Variants in NCOR2 observed in about 807,000 individuals in gnomAD.
NCOR2 encodes the protein nuclear receptor corepressor 2.
Under a neutral mutation model 262.9 loss-of-function variants are expected in NCOR2, and 81 were observed. That is an observed-to-expected ratio of 0.31 (90% CI 0.26 to 0.37). The LOEUF is 0.37. NCOR2 is among the 10% of genes least tolerant of loss of function. The pLI, the probability that NCOR2 is intolerant of heterozygous loss-of-function variation, is 1.00. For synonymous variants in NCOR2, 1,659 were observed against 1,559.3 expected, an observed-to-expected ratio of 1.06 and a Z score of -1.51; for missense variants, 3,385 against 3,621.4, an observed-to-expected ratio of 0.93 and a Z score of 1.68.
intron 37 of NCOR2, 73 bp from the exon 40 acceptor site, chr12:124,337,253 C>A: frequency 6.7e-7 from 1 of 1,491,968 alleles, no homozygotes; most frequent in South Asian, 1.2e-5. Context: ...GATGAGTCCC[C>A]ATTGCCCTGG....
chr12:124,417,413 C>T (rs2042970232), intron 13 of NCOR2, among the ~76,000 whole-genome samples: 1 of 152,200 alleles, frequency 6.6e-6, no homozygotes, highest in Non-Finnish European at 1.5e-5. Context: ...CTCCCCACCT[C>T]CCTCTGTGCA....
chr12:124,534,630 C>T (rs903024996), intron 1 of NCOR2, among the ~76,000 whole-genome samples: 1 of 152,234 alleles, frequency 6.6e-6, no homozygotes, highest in East Asian at 1.9e-4. Flanking sequence ...TGTGCCCCAG[C>T]CTCCATGCGC....
At chr12:124,550,177 C>T (rs532061750) in intron 1 of NCOR2, among the ~76,000 whole-genome samples, 1 of 152,294 alleles carries the variant, frequency 6.6e-6, no homozygotes, top group South Asian at 2.1e-4. Flanking sequence ...CCCCAAAACC[C>T]GAACAGTGCC....
rs75409928 is a variant in NCOR2, at chr12:124,503,940, C to T, written c.-117-8572G>A. ...CCCACATGCCCAGCTCCATGAGGGA[C>T]ACAGAAAGGCACTGTCGCCTTCAGG... On this transcript the variant is annotated intron_variant, in intron 1 of 46. Transcript: ENST00000404621. The surrounding 1 kb of genome is among the most constrained non-coding windows in gnomAD (Gnocchi z 4.3). 3.9e-5 allele frequency among the ~76,000 whole-genome samples: 6 copies of T among 152,254 alleles called. No individual in the cohort carries two copies. The East Asian group carries it at 1.2e-3, about 29-fold the overall frequency.
Position 124,374,479 on chromosome 12 carries a change from A to C in NCOR2, c.2168-16T>G. 6.2e-7 allele frequency: 1 copy of C among 1,610,846 alleles called. No individual in the cohort carries two copies. The highest frequency in any genetic ancestry group is 8.5e-7 in the Non-Finnish European group (1 of 1,178,818). ...GCATGTAAGGCTGGAAGGAAGTCAG[A>C]GAAGAGTTAGAAGTGAGGCAGCACC... is the stretch of plus-strand genomic sequence containing the variant. On this transcript the variant is annotated splice_polypyrimidine_tract_variant and intron_variant, in intron 18 of 46. Coordinates refer to ENST00000405201, the Ensembl canonical transcript of NCOR2.
chr12:124,340,508 G>T, intron 35 of NCOR2, 65 bp from the exon 38 acceptor site: 2 of 1,577,588 alleles, frequency 1.3e-6, no homozygotes, highest in Non-Finnish European at 8.6e-7. Flanking sequence ...TTGTCTTCTG[G>T]GGTGGGAAAG....
rs750101439 is a variant in NCOR2, at chr12:124,350,718, A to G, written c.3713T>C (p.Leu1238Pro). 2.7e-5 allele frequency: 44 copies of G among 1,612,334 alleles called. No homozygotes were observed. Among genetic ancestry groups the G allele is most frequent in the Non-Finnish European group, 3.6e-5 (42 of 1,179,926 alleles). The change falls in exon 28 of 47, where the codon CTG becomes CCG. Residue 1238 changes from leucine (L) to proline (P), a missense_variant. Physicochemically the swap from Leu to Pro is moderately conservative, Grantham distance 98 (BLOSUM62 -3). Coordinates refer to ENST00000405201, the Ensembl canonical transcript of NCOR2. ...GATCCTGGTGATGGTGCCCTTGTAC[A>G]GGACGTCAGCTGGCGTGCCCTGCAG...
Position 124,438,806 on chromosome 12 carries a change from G to GAGAA in NCOR2, c.816-811_816-810insTTCT, listed in dbSNP as rs760951112. ...AGAGAGAGAGAGAGAGAGAGAGAGA[G>GAGAA]AGACGGAGACCCAGAGAGAGGGAGA... On this transcript the variant is annotated intron_variant, in intron 7 of 46. Coordinates refer to ENST00000405201, the Ensembl canonical transcript of NCOR2. Among the ~76,000 whole-genome samples the GAGAA allele has an allele frequency of 6.9e-4, 103 of 148,876 alleles. 2 individuals carry two copies. In the East Asian group the frequency reaches 0.013, roughly 19 times the overall value.
chr12:124,372,416 C>T (rs2039577382), exon 20 of NCOR2: 1 of 1,509,410 alleles, frequency 6.6e-7, no homozygotes, highest in Non-Finnish European at 8.8e-7. Flanking sequence ...GGCGTAGGGG[C>T]TCCGGTGGCT....
chr12:124,427,041 G>C (rs994497893), intron 10 of NCOR2, among the ~76,000 whole-genome samples: 1 of 152,204 alleles, frequency 6.6e-6, no homozygotes, highest in Admixed American at 6.5e-5. Context: ...AATGCAGAGA[G>C]CAGCAGCCGC....
chr12:124,396,752 G>A lies in NCOR2; in HGVS notation c.1876+1367C>T, dbSNP rs537598765. Among the ~76,000 whole-genome samples the A allele has an allele frequency of 3.3e-5, 5 of 152,234 alleles. No homozygotes were observed. The South Asian group carries it at 6.2e-4, about 19-fold the overall frequency. ...CCCGGGGTGAGGGCGGGGGCTGTGG[G>A]GGTCTTCTCAGGGCTGTGGGGACCC... On this transcript the variant is annotated intron_variant, in intron 16 of 46. Transcript: ENST00000405201.
chr12:124,371,296 G>A (rs890274178), intron 20 of NCOR2, among the ~76,000 whole-genome samples: 8 of 150,252 alleles, frequency 5.3e-5, no homozygotes, highest in African/African-American at 1.2e-4. Context: ...TCGGGCCTTC[G>A]CACTTGCTGT....
chr12:124,543,965 G>GC (rs1651453647), intron 1 of NCOR2, among the ~76,000 whole-genome samples: 1 of 152,148 alleles, frequency 6.6e-6, no homozygotes, highest in Non-Finnish European at 1.5e-5. Context: ...CTTAACAACC[G>GC]CCCCACATCC....
In NCOR2 at chr12:124,457,431, C is replaced by T. The variant is rs1226519164; in HGVS notation, c.706-269G>A. On this transcript the variant is annotated intron_variant, in intron 5 of 46. Transcript: ENST00000405201. This position sits in a 1 kb window ranked among gnomAD's most constrained non-coding sequence, Gnocchi z 4.0. ...GCCGGGTCCACTGAAGCCTGCTCCCCGGCAGGCGCGCAGGCCTCGCTCCCC... is the reference window on the plus strand; with the variant it reads ...GCCGGGTCCACTGAAGCCTGCTCCCTGGCAGGCGCGCAGGCCTCGCTCCCC... Among the ~76,000 whole-genome samples the T allele has an allele frequency of 3.3e-5, 5 of 152,112 alleles. No individual in the cohort carries two copies. Among genetic ancestry groups the T allele is most frequent in the Admixed American group, 1.3e-4 (2 of 15,286 alleles).
chr12:124,473,859 G>C (rs2880493), intron 3 of NCOR2, among the ~76,000 whole-genome samples: 11,227 of 152,028 alleles, frequency 0.074, 629 homozygotes, highest in African/African-American at 0.16. Flanking sequence ...TTCCATCCCT[G>C]ACTCCAGGCC....
chr12:124,541,354 A>G (rs1317354343), intron 1 of NCOR2, among the ~76,000 whole-genome samples: 6 of 3,458 alleles, frequency 1.7e-3, no homozygotes, highest in African/African-American at 4.4e-3. Flanking sequence ...AGGGGATGGG[A>G]AGTGGAGAGC....
At chr12:124,386,793 C>T (rs1209846326) in intron 16 of NCOR2, among the ~76,000 whole-genome samples, 4 of 152,254 alleles carry the variant, frequency 2.6e-5, no homozygotes, top group Admixed American at 2.6e-4. Flanking sequence ...CCGGTCTCGG[C>T]CTGTCTGCCC....
rs571567528 is a variant in NCOR2 at position 124,503,639 on chromosome 12, A to AATGGATGG, written c.-117-8279_-117-8272dup. On this transcript the variant is annotated intron_variant, in intron 1 of 46. Coordinates refer to the NCOR2 transcript ENST00000404621. The surrounding 1 kb of genome is among the most constrained non-coding windows in gnomAD (Gnocchi z 4.3). ...GGATGGATGGATGGATGGATGGGCGAATGGATGGATGGATGGATGGATGGA... is the reference window on the plus strand; with the variant it reads ...GGATGGATGGATGGATGGATGGGCGAATGGATGGATGGATGGATGGATGGATGGATGGA... Among the ~76,000 whole-genome samples, 1 of 102,616 alleles carries AATGGATGG rather than the reference A, an allele frequency of 9.7e-6. No homozygotes were observed. The allele number at this position is 102,616 out of a possible 152,430, so 67.3% of individuals were successfully genotyped here.
intron 1 of NCOR2, among the ~76,000 whole-genome samples, chr12:124,507,176 G>T (rs2049093853): frequency 6.6e-6 from 1 of 152,180 alleles, no homozygotes; most frequent in Non-Finnish European, 1.5e-5. Flanking sequence ...AAGGAAAATG[G>T]CTGGGACCAG....
Sources: allele counts gnomAD v4.1 joint callset (sites outside exome capture counted in the v4.1 genomes callset), GRCh38; gene constraint gnomAD v4.1.1; non-coding constraint Gnocchi (gnomAD v3.1); transcripts MANE v1.5; gene names NCBI Gene and HGNC (gene_info 2026-07-23, HGNC 2026-07-21).